Variants in PTPRM observed in about 807,000 individuals in gnomAD.
PTPRM encodes the protein receptor-type tyrosine-protein phosphatase mu.
Under a neutral mutation model 186.7 loss-of-function variants are expected in PTPRM, and 47 were observed. The ratio of observed to expected loss-of-function variants is 0.25; its 90% CI spans 0.20 to 0.32. The LOEUF is 0.32. PTPRM is among the 10% of genes least tolerant of loss of function. The pLI, the probability that PTPRM is intolerant of heterozygous loss-of-function variation, is 1.00. For synonymous variants in PTPRM, 668 were observed against 674.9 expected, an observed-to-expected ratio of 0.99 and a Z score of 0.16; for missense variants, 1,494 against 1,865.0, an observed-to-expected ratio of 0.80 and a Z score of 3.66.
chr18:8,095,480 A>C (rs965547501), intron 11 of PTPRM, among the ~76,000 whole-genome samples: 2 of 152,140 alleles, frequency 1.3e-5, no homozygotes, highest in South Asian at 2.1e-4. Flanking sequence ...ATGGGAGAAG[A>C]AGCAAGGGAG....
At chr18:7,716,224 G>A (rs2040327877) in intron 1 of PTPRM, among the ~76,000 whole-genome samples, 2 of 152,064 alleles carry the variant, frequency 1.3e-5, no homozygotes, top group South Asian at 4.1e-4. Flanking sequence ...GCAACCATCT[G>A]GACTCTGACA....
intron 7 of PTPRM, among the ~76,000 whole-genome samples, chr18:8,046,063 G>T (rs1306575132): frequency 6.6e-6 from 1 of 152,092 alleles, no homozygotes; most frequent in Non-Finnish European, 1.5e-5. Flanking sequence ...CTGTTCTCAT[G>T]ATAGTGAGTG....
At chr18:7,617,672 G>GGT (rs994262981) in intron 1 of PTPRM, among the ~76,000 whole-genome samples, 6 of 152,208 alleles carry the variant, frequency 3.9e-5, no homozygotes, top group Admixed American at 2.6e-4. Context: ...CTTAAACACT[G>GGT]GTGTGTGTGT....
chr18:8,080,748 C>G (rs1568307882), intron 9 of PTPRM, among the ~76,000 whole-genome samples: 1 of 152,110 alleles, frequency 6.6e-6, no homozygotes, highest in Non-Finnish European at 1.5e-5. Flanking sequence ...CTTCTGTGAT[C>G]CAACCCAAAT....
chr18:7,629,691 A>T (rs1331590145), intron 1 of PTPRM, among the ~76,000 whole-genome samples: 1 of 152,214 alleles, frequency 6.6e-6, no homozygotes, highest in Non-Finnish European at 1.5e-5. Context: ...GAACCACATT[A>T]AAGATTTTAA....
intron 20 of PTPRM, among the ~76,000 whole-genome samples, chr18:8,307,823 TA>T (rs368581019): frequency 6.0e-5 from 9 of 149,842 alleles, no homozygotes; most frequent in African/African-American, 2.2e-4. Context: ...AAAATAAAAA[TA>T]AAAAAAAGAA....
intron 23 of PTPRM, among the ~76,000 whole-genome samples, chr18:8,352,022 G>A (rs1273093396): frequency 1.3e-5 from 2 of 152,148 alleles, no homozygotes; most frequent in African/African-American, 4.8e-5. Context: ...CCAAAGATAG[G>A]CTTTTTAATC....
At chr18:7,750,454 G>C (rs2144609151) in intron 1 of PTPRM, among the ~76,000 whole-genome samples, 1 of 152,246 alleles carries the variant, frequency 6.6e-6, no homozygotes, top group Admixed American at 6.5e-5. Flanking sequence ...TTTTTGTTCT[G>C]GTGAATATTG....
chr18:7,738,440 T>C (rs1220598488), intron 1 of PTPRM, among the ~76,000 whole-genome samples: 1 of 151,742 alleles, frequency 6.6e-6, no homozygotes, highest in African/African-American at 2.4e-5. Context: ...ATTCAACTTT[T>C]GGTTTTTTTT....
At chr18:8,377,087 A>G (rs1014704423) in intron 26 of PTPRM, 1 of 154,100 alleles carries the variant, frequency 6.5e-6, no homozygotes, top group Non-Finnish European at 1.4e-5. Context: ...GAAGTACTGT[A>G]TACTAACTAG....
At chr18:8,341,214 G>A (rs2095472660) in intron 22 of PTPRM, among the ~76,000 whole-genome samples, 2 of 152,306 alleles carry the variant, frequency 1.3e-5, no homozygotes, top group South Asian at 4.1e-4. Flanking sequence ...TCGAGAAAGG[G>A]AATCATACAA....
intron 7 of PTPRM, among the ~76,000 whole-genome samples, chr18:8,063,106 C>G (rs1428675027): frequency 4.0e-5 from 6 of 151,476 alleles, no homozygotes; most frequent in Non-Finnish European, 8.8e-5. Context: ...TGGCAATCAG[C>G]GAGACTCCGT....
intron 23 of PTPRM, among the ~76,000 whole-genome samples, chr18:8,359,840 G>A (rs2095586117): frequency 6.6e-6 from 1 of 152,220 alleles, no homozygotes; most frequent in Admixed American, 6.5e-5. Flanking sequence ...CTGCTCACGA[G>A]CCCTTGAAAG....
intron 19 of PTPRM, among the ~76,000 whole-genome samples, chr18:8,259,552 T>C (rs1601520517): frequency 6.6e-6 from 1 of 151,564 alleles, no homozygotes; most frequent in East Asian, 2.0e-4. Context: ...AAATGCAAGT[T>C]CAGTGTTTTA....
chr18:7,844,411 A>G (rs2046492550), intron 2 of PTPRM, among the ~76,000 whole-genome samples: 1 of 152,182 alleles, frequency 6.6e-6, no homozygotes. Flanking sequence ...GGATTTGCAC[A>G]GCTTCTCAAA....
At chr18:8,345,866 A>C (rs1350172286) in intron 23 of PTPRM, among the ~76,000 whole-genome samples, 1 of 152,118 alleles carries the variant, frequency 6.6e-6, no homozygotes. Flanking sequence ...AGCAGGCCAG[A>C]TGTAAGACAC....
intron 23 of PTPRM, among the ~76,000 whole-genome samples, chr18:8,354,079 G>A (rs1046398157): frequency 5.9e-5 from 9 of 152,100 alleles, no homozygotes; most frequent in Non-Finnish European, 1.3e-4. Context: ...TGGGCGTGGT[G>A]GCGGGTGCCT....
At chr18:8,190,980 T>C (rs1416947706) in intron 14 of PTPRM, among the ~76,000 whole-genome samples, 1 of 152,220 alleles carries the variant, frequency 6.6e-6, no homozygotes, top group Non-Finnish European at 1.5e-5. Context: ...TAATATCTTA[T>C]CAGCTGGAAG....
At chr18:7,710,752 A>G (rs907142667) in intron 1 of PTPRM, among the ~76,000 whole-genome samples, 3 of 152,196 alleles carry the variant, frequency 2.0e-5, no homozygotes, top group Admixed American at 6.5e-5. Flanking sequence ...TATAGCAACA[A>G]TGATCAAGCT....
Sources: allele counts gnomAD v4.1 joint callset (sites outside exome capture counted in the v4.1 genomes callset), GRCh38; gene constraint gnomAD v4.1.1; transcripts MANE v1.5; gene names NCBI Gene and HGNC (gene_info 2026-07-23, HGNC 2026-07-21).